MAGI3: variants seen among roughly 807,000 people sequenced by gnomAD.
MAGI3 encodes the protein membrane-associated guanylate kinase, WW and PDZ domain-containing protein 3.
In MAGI3, 43 loss-of-function variants were observed where a neutral mutation model predicts 121.8. That is an observed-to-expected ratio of 0.35 (90% CI 0.28 to 0.46). The LOEUF (loss-of-function observed/expected upper bound fraction) is 0.46. Among genes scored for constraint, MAGI3 ranks in the 20% least tolerant of loss-of-function variants. MAGI3 has a pLI of 1.00. For synonymous variants in MAGI3, 553 were observed against 639.3 expected (o/e 0.86, Z 2.04); for missense variants, 1,547 against 1,797.3 (o/e 0.86, Z 2.52).
At position 113,682,954 on chromosome 1, in the gene MAGI3, C is replaced by T. The variant is rs1299178971; in HGVS notation, c.3386C>T (p.Pro1129Leu). ...SSNVIYDEQS[P>L]LPPSSHFASI... is the part of the protein sequence containing the mutation. ...AATGTGATTTATGATGAACAGTCAC[C>T]ATTACCCCCATCTTCACATTTTGCT... Residue 1129 changes from proline (P) to leucine (L), a missense_variant, in exon 21 of 21, where the codon CCA becomes CTA. By Grantham distance (98) the Pro-to-Leu change is moderately conservative. Coordinates refer to ENST00000307546, the MANE Select transcript of MAGI3 (RefSeq NM_001142782.2). 1 of 1,612,288 alleles carries T rather than the reference C, an allele frequency of 6.2e-7. No homozygotes were observed. Among genetic ancestry groups the T allele is most frequent in the African/African-American group, 1.3e-5 (1 of 74,812 alleles).
chr1:113,514,534 C>G (rs1339379615), intron 1 of MAGI3, among the ~76,000 whole-genome samples: 1 of 151,320 alleles, frequency 6.6e-6, no homozygotes, highest in African/African-American at 2.4e-5. Context: ...AACAAAAAAC[C>G]AAACACCGCA....
intron 19 of MAGI3, among the ~76,000 whole-genome samples, chr1:113,674,265 G>A (rs1433351581): frequency 6.6e-6 from 1 of 152,042 alleles, no homozygotes; most frequent in East Asian, 1.9e-4. Context: ...GGTGGTGCAT[G>A]CCTGTAATCC....
chr1:113,395,602 C>T (rs771097794), intron 1 of MAGI3, among the ~76,000 whole-genome samples: 1 of 151,450 alleles, frequency 6.6e-6, no homozygotes, highest in African/African-American at 2.4e-5. Context: ...AGTACTATAT[C>T]CAAATATCTC....
At chr1:113,651,992 TTTTA>T (rs1653197704) in intron 14 of MAGI3, among the ~76,000 whole-genome samples, 1 of 152,196 alleles carries the variant, frequency 6.6e-6, no homozygotes, top group African/African-American at 2.4e-5. Context: ...GCATGGATTA[TTTTA>T]TTTAATCTTC....
chr1:113,527,731 GA>G (rs1431703300), intron 1 of MAGI3, among the ~76,000 whole-genome samples: 2 of 151,990 alleles, frequency 1.3e-5, no homozygotes, highest in Admixed American at 6.6e-5. Context: ...CTGACTTAAG[GA>G]AAAAAGATAA....
At chr1:113,640,923 T>TAAAATATATCATATATAAATATATATATA (rs1159148233) in intron 9 of MAGI3, among the ~76,000 whole-genome samples, 6 of 58,788 alleles carry the variant, frequency 1.0e-4, no homozygotes, top group Non-Finnish European at 1.7e-4. Flanking sequence ...ATATGATATA[T>TAAAATATATCATATATAAATATATATATA]TTTATATATC....
Position 113,649,135 on chromosome 1 carries a change from TTTA to T in MAGI3, c.2156-99_2156-97del, listed in dbSNP as rs551922055. On this transcript the variant is annotated intron_variant, in intron 12 of 20. Coordinates refer to ENST00000307546, the MANE Select transcript of MAGI3 (RefSeq NM_001142782.2). Reference sequence around the variant, plus strand: ...ATATTAAAAAGTTCTGAGATTATAGTTTATTGAGTTACTCTATAATATCCTACT... The same window carrying T: ...ATATTAAAAAGTTCTGAGATTATAGTTTGAGTTACTCTATAATATCCTACT... 1,877 of 762,398 alleles carry T rather than the reference TTTA, an allele frequency of 2.5e-3. 9 individuals carry two copies. The highest frequency in any genetic ancestry group is 3.3e-3 in the Non-Finnish European group (1,676 of 507,792). 47.2% of individuals were successfully genotyped at this position (762,398 alleles called of 1,614,324 possible).
At chr1:113,516,890 C>T (rs1657935695) in intron 1 of MAGI3, among the ~76,000 whole-genome samples, 1 of 151,932 alleles carries the variant, frequency 6.6e-6, no homozygotes, top group South Asian at 2.1e-4. Context: ...TGGCACTTTA[C>T]CTTACTCGTC....
chr1:113,644,229 CT>C (rs1276342595), intron 11 of MAGI3, among the ~76,000 whole-genome samples: 1 of 151,984 alleles, frequency 6.6e-6, no homozygotes, highest in Non-Finnish European at 1.5e-5. Context: ...TTTAGATAAT[CT>C]TCTTACTTTT....
chr1:113,400,222 G>A (rs571040248), intron 1 of MAGI3, among the ~76,000 whole-genome samples: 18 of 152,072 alleles, frequency 1.2e-4, no homozygotes, highest in Admixed American at 1.1e-3. Context: ...GAGAGGGGTG[G>A]GTGCTCCAAA....
intron 1 of MAGI3, among the ~76,000 whole-genome samples, chr1:113,512,771 GC>G (rs1657683334): frequency 6.6e-6 from 1 of 152,164 alleles, no homozygotes. Flanking sequence ...GGAAGTTCTG[GC>G]CAGGGCAATT....
chr1:113,451,567 G>A (rs1654487268), intron 1 of MAGI3, among the ~76,000 whole-genome samples: 2 of 152,038 alleles, frequency 1.3e-5, no homozygotes, highest in Non-Finnish European at 2.9e-5. Context: ...ATCATTGCTG[G>A]AACAATGTTA....
intron 20 of MAGI3, among the ~76,000 whole-genome samples, chr1:113,682,021 C>G (rs550395600): frequency 2.0e-5 from 3 of 152,212 alleles, no homozygotes; most frequent in Admixed American, 6.5e-5. Context: ...TACCCCACCC[C>G]ACCCCACCGC....
At chr1:113,465,847 T>A (rs1655256430) in intron 1 of MAGI3, among the ~76,000 whole-genome samples, 3 of 152,172 alleles carry the variant, frequency 2.0e-5, no homozygotes, top group Non-Finnish European at 4.4e-5. Flanking sequence ...ATGTTGAGTT[T>A]GTATTTTGCA....
intron 2 of MAGI3, among the ~76,000 whole-genome samples, chr1:113,558,864 C>T (rs1326386321): frequency 6.6e-6 from 1 of 152,170 alleles, no homozygotes; most frequent in Non-Finnish European, 1.5e-5. Context: ...AAACAGTGGA[C>T]CTCTCAGCAG....
intron 2 of MAGI3, among the ~76,000 whole-genome samples, chr1:113,575,065 G>A (rs1186874201): frequency 1.3e-5 from 2 of 152,012 alleles, no homozygotes; most frequent in Non-Finnish European, 2.9e-5. Flanking sequence ...CTCTAAACTG[G>A]TTATTCTAGT....
chr1:113,677,495 A>G (rs956442500), intron 19 of MAGI3, among the ~76,000 whole-genome samples: 11 of 152,124 alleles, frequency 7.2e-5, no homozygotes, highest in East Asian at 1.9e-4. Flanking sequence ...GCTTTCCGCT[A>G]TGTCAGGTCT....
chr1:113,542,108 T>TC (rs1228331491), intron 1 of MAGI3, among the ~76,000 whole-genome samples: 1 of 151,678 alleles, frequency 6.6e-6, no homozygotes, highest in African/African-American at 2.4e-5. Flanking sequence ...TGTACAGTAG[T>TC]CCCCCCCTCC....
At position 113,391,227 on chromosome 1, in the gene MAGI3, C is replaced by A. The variant is rs1202995624; in HGVS notation, c.194C>A (p.Pro65His). 7.7e-6 allele frequency: 12 copies of A among 1,560,962 alleles called. No homozygotes were observed. The highest frequency in any genetic ancestry group is 1.0e-5 in the Non-Finnish European group (12 of 1,153,418). Residue 65 changes from proline (P) to histidine (H), a missense_variant, in exon 1 of 21, where the codon CCC becomes CAC. By Grantham distance (77) the Pro-to-His change is moderately conservative. Coordinates refer to ENST00000307546, the MANE Select transcript of MAGI3 (RefSeq NM_001142782.2). This position sits in a 1 kb window ranked among gnomAD's most constrained non-coding sequence, Gnocchi z 4.4. ...GTCCVVSGKAPSPGDVLLEVN... is the reference protein window; with the variant it reads ...GTCCVVSGKAHSPGDVLLEVN... ...TGCTGCGTCGTCTCGGGCAAGGCGC[C>A]CAGCCCAGGCGATGTGCTGCTGGAG... is the stretch of plus-strand genomic sequence containing the variant.
Sources: gnomAD v4.1 joint callset for allele counts (sites outside exome capture counted in the v4.1 genomes callset) on GRCh38, gnomAD v4.1.1 for gene constraint, Gnocchi (gnomAD v3.1) non-coding constraint, MANE v1.5 for transcripts, NCBI Gene and HGNC (gene_info 2026-07-23, HGNC 2026-07-21) for gene names.